Variants in PAQR5 observed in about 807,000 individuals in gnomAD.
PAQR5 encodes membrane progestin receptor gamma.
Under a neutral mutation model 34.5 loss-of-function variants are expected in PAQR5, and 20 were observed. That is an observed-to-expected ratio of 0.58 (90% CI 0.41 to 0.84). PAQR5 has a LOEUF of 0.84. PAQR5 is among the 40% of genes least tolerant of loss of function. The probability of loss-of-function intolerance (pLI) is 0.00; values close to 1 mark genes in which losing one functional copy is unlikely to be tolerated. For synonymous variants in PAQR5, 131 were observed against 155.6 expected (o/e 0.84, Z 1.18); for missense variants, 378 against 412.7 (o/e 0.92, Z 0.73).
intron 1 of PAQR5, among the ~76,000 whole-genome samples, chr15:69,315,268 A>G (rs1183930322): frequency 1.3e-5 from 2 of 152,104 alleles, no homozygotes; most frequent in South Asian, 2.1e-4. Context: ...TGCAGCATCA[A>G]TGGTTGCCAA....
intron 1 of PAQR5, among the ~76,000 whole-genome samples, chr15:69,333,012 A>C (rs976002168): frequency 6.6e-6 from 1 of 152,162 alleles, no homozygotes; most frequent in Non-Finnish European, 1.5e-5. Context: ...GCTTAATTAA[A>C]AGTGGATAAA....
rs1295847546 is a variant in PAQR5, at chr15:69,300,617, CTTTCTTTCTT to C, written c.-277+1563_-277+1572del. On this transcript the variant is annotated intron_variant, in intron 1 of 8. Transcript: ENST00000395407. Reference sequence around the variant, plus strand: ...TCTTTCTTTCTTTCTTTCTTTCTTTCTTTCTTTCTTTCTTTCTTTCTTTCTTTCTTTCTTT... The same window carrying C: ...TCTTTCTTTCTTTCTTTCTTTCTTTCTCTTTCTTTCTTTCTTTCTTTCTTT... 4.6e-4 allele frequency among the ~76,000 whole-genome samples: 24 copies of C among 52,656 alleles called. 3 individuals carry two copies. The highest frequency in any genetic ancestry group is 1.4e-3 in the African/African-American group (22 of 15,978). 34.5% of individuals were successfully genotyped at this position (52,656 alleles called of 152,430 possible). A position where few individuals can be genotyped will look rare whatever the true frequency, so the allele number is the denominator to read the frequency against.
In PAQR5 at chr15:69,346,567, C is replaced by T. The variant is rs140369328; in HGVS notation, c.-116+9066C>T. ...CTCTCACCTTGGCCTTGCAAAGTGCCACCTTTTATCACCTTTAATGTATTA... is the reference window on the plus strand; with the variant it reads ...CTCTCACCTTGGCCTTGCAAAGTGCTACCTTTTATCACCTTTAATGTATTA... On this transcript the variant is annotated intron_variant, in intron 2 of 8. Coordinates refer to ENST00000395407, the MANE Select transcript of PAQR5 (RefSeq NM_017705.4). Among the ~76,000 whole-genome samples the T allele has an allele frequency of 9.5e-4, 144 of 151,068 alleles. 1 individual carries two copies. The East Asian group carries it at 0.024, about 25-fold the overall frequency.
intron 6 of PAQR5, among the ~76,000 whole-genome samples, chr15:69,393,769 G>T (rs1464158359): frequency 6.6e-6 from 1 of 152,160 alleles, no homozygotes; most frequent in African/African-American, 2.4e-5. Context: ...AATGGCATTC[G>T]TTCCATTACA....
Position 69,301,859 on chromosome 15 carries a change from A to ATTTTTTTTTTTTT in PAQR5, c.-277+2828_-277+2840dup, listed in dbSNP as rs71149903. ...GTGAATTCATAAGAAATGGGGGGAGATTTTTTTTTTTTTTTTTTTTTTTTT... is the reference window on the plus strand; with the variant it reads ...GTGAATTCATAAGAAATGGGGGGAGATTTTTTTTTTTTTTTTTTTTTTTTTTTTTTTTTTTTTT... On this transcript the variant is annotated intron_variant, in intron 1 of 8. Transcript: ENST00000395407. 2.5e-3 allele frequency among the ~76,000 whole-genome samples: 249 copies of ATTTTTTTTTTTTT among 98,830 alleles called. 20 individuals carry two copies. The highest frequency in any genetic ancestry group is 3.3e-3 in the Non-Finnish European group (183 of 55,896). The allele number at this position is 98,830 out of a possible 152,430, so 64.8% of individuals were successfully genotyped here.
intron 3 of PAQR5, among the ~76,000 whole-genome samples, chr15:69,364,336 C>T (rs1443910345): frequency 4.6e-5 from 7 of 151,298 alleles, no homozygotes; most frequent in East Asian, 1.9e-4. Flanking sequence ...AAGCAGGGCT[C>T]GGTGGGTCAC....
chr15:69,387,768 C>T (rs1265298609), intron 5 of PAQR5, among the ~76,000 whole-genome samples: 1 of 152,202 alleles, frequency 6.6e-6, no homozygotes, highest in Non-Finnish European at 1.5e-5. Context: ...AAGAGTTCCT[C>T]TTGTTGCCAT....
chr15:69,324,140 A>AAAG (rs2054194163), intron 1 of PAQR5, among the ~76,000 whole-genome samples: 1 of 151,314 alleles, frequency 6.6e-6, no homozygotes, highest in African/African-American at 2.4e-5. Flanking sequence ...AAAAAAAAAA[A>AAAG]AAAAGAAAAA....
At chr15:69,334,194 A>AT (rs1228051213) in intron 1 of PAQR5, among the ~76,000 whole-genome samples, 1 of 151,784 alleles carries the variant, frequency 6.6e-6, no homozygotes, top group Non-Finnish European at 1.5e-5. Context: ...CGCCGGGCTA[A>AT]TTTTTTTGTA....
chr15:69,360,195 T>TG (rs1314537303), intron 3 of PAQR5, 64 bp downstream of exon 3: 3 of 1,254,914 alleles, frequency 2.4e-6, no homozygotes, highest in South Asian at 1.2e-5. Flanking sequence ...GCCTCCGCAA[T>TG]GGGGGGCTGT....
intron 5 of PAQR5, 75 bp downstream of exon 5, chr15:69,384,957 AC>A: frequency 1.8e-6 from 2 of 1,111,458 alleles, no homozygotes; most frequent in Non-Finnish European, 2.7e-6. Flanking sequence ...AGCTAGGGTC[AC>A]CAGAAGGCTT....
At chr15:69,330,888 C>T (rs1459852420) in intron 1 of PAQR5, among the ~76,000 whole-genome samples, 1 of 152,182 alleles carries the variant, frequency 6.6e-6, no homozygotes, top group Admixed American at 6.5e-5. Context: ...TTTGGTGGCT[C>T]ATCCAGGATT....
chr15:69,365,895 C>T (rs1293179690), intron 3 of PAQR5, among the ~76,000 whole-genome samples: 1 of 152,222 alleles, frequency 6.6e-6, no homozygotes, highest in African/African-American at 2.4e-5. Context: ...CAGGGAACAA[C>T]TTGGCCCTAC....
At chr15:69,300,880 T>C (rs181932179) in intron 1 of PAQR5, among the ~76,000 whole-genome samples, 5 of 25,448 alleles carry the variant, frequency 2.0e-4, no homozygotes, top group African/African-American at 4.3e-4. Context: ...TTTCTTTCTT[T>C]CTTTCTTTCT....
In PAQR5 at chr15:69,403,580, G is replaced by A; in HGVS notation, c.752-1G>A. On this transcript the variant is annotated splice_acceptor_variant, in intron 8 of 8. Transcript: ENST00000395407. LOFTEE classifies it high-confidence loss of function. ...TTGACGGCCTTTTGTGTTTGCCATA[G>A]GTCACAGTCACCAGCTGTTTCACGT... The A allele has an allele frequency of 6.2e-7, 1 of 1,613,828 alleles. No homozygotes were observed. Among genetic ancestry groups the A allele is most frequent in the African/African-American group, 1.3e-5 (1 of 74,980 alleles).
intron 3 of PAQR5, among the ~76,000 whole-genome samples, chr15:69,363,733 A>G (rs2055309976): frequency 6.6e-6 from 1 of 151,814 alleles, no homozygotes; most frequent in East Asian, 1.9e-4. Context: ...TTGCATTTTC[A>G]GTAACAACAG....
chr15:69,349,199 G>A (rs2140779927), intron 2 of PAQR5, among the ~76,000 whole-genome samples: 1 of 152,290 alleles, frequency 6.6e-6, no homozygotes, highest in South Asian at 2.1e-4. Flanking sequence ...CTGTCTGCGG[G>A]TAAACTCTGC....
At chr15:69,363,176 T>C (rs1275053768) in intron 3 of PAQR5, among the ~76,000 whole-genome samples, 2 of 152,242 alleles carry the variant, frequency 1.3e-5, no homozygotes, top group Non-Finnish European at 2.9e-5. Context: ...TAGGGAATGG[T>C]GTGCCCACCT....
chr15:69,376,879 A>G (rs1009522288), intron 3 of PAQR5, among the ~76,000 whole-genome samples: 1 of 152,150 alleles, frequency 6.6e-6, no homozygotes, highest in Non-Finnish European at 1.5e-5. Flanking sequence ...CCAGAATGCC[A>G]GGATCCACAG....
Sources: allele counts gnomAD v4.1 joint callset (sites outside exome capture counted in the v4.1 genomes callset), GRCh38; gene constraint gnomAD v4.1.1; transcripts MANE v1.5; gene names NCBI Gene and HGNC (gene_info 2026-07-23, HGNC 2026-07-21).